The following FGGY variants were observed in gnomAD, a reference collection of about 807,000 sequenced individuals.
FGGY encodes FGGY carbohydrate kinase domain-containing protein.
Under a neutral mutation model 71.3 loss-of-function variants are expected in FGGY, and 72 were observed. The ratio of observed to expected loss-of-function variants is 1.01; its 90% CI spans 0.84 to 1.23. FGGY has a LOEUF of 1.23. Among genes scored for constraint, FGGY ranks in the 50% most tolerant of loss-of-function variants. The pLI is 0.00. For synonymous variants in FGGY, 251 were observed against 250.3 expected, an observed-to-expected ratio of 1.00 and a Z score of -0.02; for missense variants, 668 against 682.3, an observed-to-expected ratio of 0.98 and a Z score of 0.23.
chr1:59,734,948 A>G (rs767766838), intron 14 of FGGY, among the ~76,000 whole-genome samples: 10 of 152,208 alleles, frequency 6.6e-5, no homozygotes, highest in Non-Finnish European at 1.3e-4. Flanking sequence ...CCTGGCAGAG[A>G]TAAGTTTGGT....
chr1:59,373,904 C>G (rs1012179067), intron 4 of FGGY, among the ~76,000 whole-genome samples: 13 of 152,266 alleles, frequency 8.5e-5, no homozygotes, highest in African/African-American at 2.9e-4. Flanking sequence ...AAAATTAATT[C>G]AAGATGGATT....
chr1:59,301,167 A>G (rs1569873954), intron 1 of FGGY, among the ~76,000 whole-genome samples: 1 of 152,188 alleles, frequency 6.6e-6, no homozygotes, highest in African/African-American at 2.4e-5. Context: ...AGCTCTCAAT[A>G]TGTAGGTCTT....
intron 6 of FGGY, among the ~76,000 whole-genome samples, chr1:59,470,068 AT>A (rs2092861621): frequency 6.6e-6 from 1 of 152,118 alleles, no homozygotes; most frequent in African/African-American, 2.4e-5. Flanking sequence ...ATACATGTAC[AT>A]GTGTCTTTAT....
At chr1:59,703,795 G>A (rs1162138558) in intron 14 of FGGY, among the ~76,000 whole-genome samples, 1 of 152,128 alleles carries the variant, frequency 6.6e-6, no homozygotes, top group Admixed American at 6.5e-5. Flanking sequence ...GCTTTCCCCT[G>A]AACACATAGT....
intron 5 of FGGY, among the ~76,000 whole-genome samples, chr1:59,425,314 C>CATTTTAT (rs2066154162): frequency 6.6e-6 from 1 of 152,042 alleles, no homozygotes; most frequent in Admixed American, 6.5e-5. Context: ...TAATAGATTC[C>CATTTTAT]AGTATTTTTA....
chr1:59,633,666 G>C (rs2096929799), intron 10 of FGGY, among the ~76,000 whole-genome samples: 1 of 152,186 alleles, frequency 6.6e-6, no homozygotes, highest in African/African-American at 2.4e-5. Context: ...GACATTCTTA[G>C]TTGAGTTGTC....
rs551919433 is a variant in FGGY at position 59,449,513 on chromosome 1, G to C, written c.555-7448G>C. ...TTGGTCAGGCTGGTCTCGAACTCCT[G>C]ACCTTGTGATCCACCTGCCTCAGCC... On this transcript the variant is annotated intron_variant, in intron 5 of 15. Coordinates refer to ENST00000303721, the MANE Select transcript of FGGY (RefSeq NM_018291.5). Among the ~76,000 whole-genome samples, 11 of 152,200 alleles carry C rather than the reference G, an allele frequency of 7.2e-5. No individual in the cohort carries two copies. The East Asian group carries it at 2.1e-3, about 29-fold the overall frequency.
Position 59,346,323 on chromosome 1 carries a change from G to T in FGGY, c.390G>T (p.Lys130Asn). Residue 130 changes from lysine to asparagine, a missense_variant, in exon 4 of 16, where the codon AAG becomes AAT. Coordinates refer to ENST00000303721, the MANE Select transcript of FGGY (RefSeq NM_018291.5). ...AAGTTAACAGGATCAATGAGACCAAGCACAGTGTCCTCCAGTACGTCGGGG... is the reference window on the plus strand; with the variant it reads ...AAGTTAACAGGATCAATGAGACCAATCACAGTGTCCTCCAGTACGTCGGGG... ...VSQVNRINET[K>N]HSVLQYVGGV... 6.2e-7 allele frequency: 1 copy of T among 1,612,378 alleles called. No individual in the cohort carries two copies. The highest frequency in any genetic ancestry group is 8.5e-7 in the Non-Finnish European group (1 of 1,179,732).
chr1:59,373,362 C>T (rs1317154056), intron 4 of FGGY, among the ~76,000 whole-genome samples: 3 of 152,082 alleles, frequency 2.0e-5, no homozygotes, highest in African/African-American at 7.2e-5. Flanking sequence ...ACATGAAGGA[C>T]CTCTTCAAGG....
chr1:59,343,338 G>A (rs944572076), intron 3 of FGGY, among the ~76,000 whole-genome samples: 1 of 152,122 alleles, frequency 6.6e-6, no homozygotes, highest in Admixed American at 6.6e-5. Flanking sequence ...ATTTTTGTGG[G>A]TCTGTGTTCT....
chr1:59,396,830 T>G (rs555501935), intron 5 of FGGY, among the ~76,000 whole-genome samples: 3 of 152,340 alleles, frequency 2.0e-5, no homozygotes, highest in African/African-American at 7.2e-5. Context: ...GCTTGTTGTA[T>G]CTATACTGAA....
intron 8 of FGGY, among the ~76,000 whole-genome samples, chr1:59,589,770 TGGGAC>T (rs2153786513): frequency 6.6e-6 from 1 of 152,106 alleles, no homozygotes; most frequent in South Asian, 2.1e-4. Context: ...CCAGAATCTC[TGGGAC>T]ATATTCAAAG....
chr1:59,405,477 G>T (rs1373328996), intron 5 of FGGY, among the ~76,000 whole-genome samples: 3 of 152,144 alleles, frequency 2.0e-5, no homozygotes, highest in African/African-American at 7.2e-5. Context: ...CTGACAAAAA[G>T]GTGTTTTATG....
chr1:59,442,520 A>G (rs1425975471), intron 5 of FGGY, among the ~76,000 whole-genome samples: 2 of 152,150 alleles, frequency 1.3e-5, no homozygotes, highest in Non-Finnish European at 2.9e-5. Context: ...GAAAGGTACG[A>G]AATCTTCAGG....
At chr1:59,709,080 G>T (rs1028900286) in intron 14 of FGGY, among the ~76,000 whole-genome samples, 1 of 150,544 alleles carries the variant, frequency 6.6e-6, no homozygotes. Context: ...ACACACACGC[G>T]CGCGCGCATA....
intron 14 of FGGY, among the ~76,000 whole-genome samples, chr1:59,740,565 C>A (rs1368348417): frequency 6.6e-6 from 1 of 152,186 alleles, no homozygotes; most frequent in East Asian, 1.9e-4. Context: ...CAGAAATTGG[C>A]AATTGATAAA....
chr1:59,759,973 C>T (rs1224259785), intron 15 of FGGY, among the ~76,000 whole-genome samples: 1 of 152,116 alleles, frequency 6.6e-6, no homozygotes, highest in Admixed American at 6.5e-5. Context: ...AAATTTGGTG[C>T]ATTGAAAGAC....
chr1:59,304,650 C>G (rs1386503922), intron 1 of FGGY, among the ~76,000 whole-genome samples: 3 of 151,754 alleles, frequency 2.0e-5, no homozygotes, highest in Non-Finnish European at 4.4e-5. Context: ...CTGCAGATCA[C>G]TTTGAGTAGT....
chr1:59,468,509 G>A (rs2092764902), intron 6 of FGGY, among the ~76,000 whole-genome samples: 1 of 152,138 alleles, frequency 6.6e-6, no homozygotes, highest in Non-Finnish European at 1.5e-5. Context: ...TTTTCATAGA[G>A]TAAAATAAAC....
Sources: allele counts gnomAD v4.1 joint callset (sites outside exome capture counted in the v4.1 genomes callset), GRCh38; gene constraint gnomAD v4.1.1; transcripts MANE v1.5; gene names NCBI Gene and HGNC (gene_info 2026-07-23, HGNC 2026-07-21).